The following MAP3K1 variants were observed in gnomAD, a reference collection of about 807,000 sequenced individuals.
MAP3K1 encodes the protein mitogen-activated protein kinase kinase kinase 1.
Under a neutral mutation model 144.2 loss-of-function variants are expected in MAP3K1, and 36 were observed. The observed-to-expected ratio is 0.25, with a 90% CI of 0.19 to 0.33. MAP3K1 has a LOEUF of 0.33. MAP3K1 is among the 10% of genes least tolerant of loss of function. The pLI is 1.00. For missense variants in MAP3K1, 1,650 were observed against 1,881.9 expected, an observed-to-expected ratio of 0.88 and a Z score of 2.28; for synonymous variants, 718 against 688.7, an observed-to-expected ratio of 1.04 and a Z score of -0.67.
At chr5:56,841,432 T>TA (rs1746812186) in intron 1 of MAP3K1, among the ~76,000 whole-genome samples, 1 of 152,192 alleles carries the variant, frequency 6.6e-6, no homozygotes, top group Non-Finnish European at 1.5e-5. Context: ...CCCATACTGA[T>TA]ATACTGCCTG....
At chr5:56,853,339 G>T (rs1275682344) in intron 1 of MAP3K1, among the ~76,000 whole-genome samples, 1 of 152,134 alleles carries the variant, frequency 6.6e-6, no homozygotes, top group East Asian at 1.9e-4. Flanking sequence ...AGTGAAAATT[G>T]TTCTGAACAA....
Position 56,872,842 on chromosome 5 carries a change from C to T in MAP3K1, c.1523C>T (p.Pro508Leu), listed in dbSNP as rs1747896764. The change falls in exon 9 of 20, where the codon CCT (proline) becomes CTT (leucine). Residue 508 changes from proline to leucine, a missense_variant. By Grantham distance (98) the Pro-to-Leu change is moderately conservative. Transcript: ENST00000399503. The stretch of plus-strand genomic sequence containing the variant: ...CATTTTAGCCACGAGTTGTCAAGTC[C>T]TGTGGATTCCCCTTCTTCCCTCAGA... The part of the protein sequence containing the change: ...HDFYSHELSS[P>L]VDSPSSLRAA... 2 of 1,614,132 alleles carry T rather than the reference C, an allele frequency of 1.2e-6. No individual in the cohort carries two copies. The highest frequency in any genetic ancestry group is 1.7e-6 in the Non-Finnish European group (2 of 1,180,022).
intron 17 of MAP3K1, 87 bp downstream of exon 17, chr5:56,886,150 T>G: frequency 1.8e-6 from 2 of 1,082,906 alleles, no homozygotes; most frequent in South Asian, 1.3e-5. Flanking sequence ...ACACCTGTAA[T>G]CCCAGTACTT....
chr5:56,823,213 G>A (rs1053562325), intron 1 of MAP3K1, among the ~76,000 whole-genome samples: 2 of 152,212 alleles, frequency 1.3e-5, no homozygotes, highest in South Asian at 2.1e-4. Context: ...GCCCCTGTCT[G>A]CTTCTCCAGG....
At chr5:56,843,355 C>G (rs58151318) in intron 1 of MAP3K1, among the ~76,000 whole-genome samples, 15,092 of 152,278 alleles carry the variant, frequency 0.099, 1,213 homozygotes, top group East Asian at 0.34. Flanking sequence ...CCCACCAGTC[C>G]TGCCAGTAAC....
intron 1 of MAP3K1, among the ~76,000 whole-genome samples, chr5:56,826,979 T>G (rs1422868654): frequency 6.6e-6 from 1 of 152,180 alleles, no homozygotes; most frequent in South Asian, 2.1e-4. Context: ...ATCAGGAGGC[T>G]TTTTTGGGAA....
rs1748694667 is a variant in MAP3K1, at chr5:56,896,085, C to T, written c.*2405C>T. 1.3e-5 allele frequency: 3 copies of T among 226,186 alleles called. No homozygotes were observed. The highest frequency in any genetic ancestry group is 1.1e-4 in the Admixed American group (2 of 17,518). The allele number at this position is 226,186 out of a possible 1,614,324, so 14.0% of individuals were successfully genotyped here. On this transcript the variant is annotated 3_prime_UTR_variant, in exon 20 of 20. Coordinates refer to ENST00000399503, the MANE Select transcript of MAP3K1 (RefSeq NM_005921.2). Reference sequence around the variant, plus strand: ...AATTAAAATTTTTACCCCATTGAACCGATTTTATAGTATTTGTACCTATTT... The same window carrying T: ...AATTAAAATTTTTACCCCATTGAACTGATTTTATAGTATTTGTACCTATTT...
Position 56,873,022 on chromosome 5 carries a change from T to G in MAP3K1, c.1686+17T>G, listed in dbSNP as rs756034979. The G allele has an allele frequency of 1.9e-6, 3 of 1,605,724 alleles. No homozygotes were observed. Among genetic ancestry groups the G allele is most frequent in the African/African-American group, 2.7e-5 (2 of 74,690 alleles). On this transcript the variant is annotated intron_variant, in intron 9 of 19. Coordinates refer to ENST00000399503, the MANE Select transcript of MAP3K1 (RefSeq NM_005921.2). ...TGGATTCAGGTAAGTAGTTCTTTGT[T>G]TTTCATTTCTCAAAGAAATATTTAT...
chr5:56,820,835 A>C (rs1746132762), intron 1 of MAP3K1: 2 of 977,458 alleles, frequency 2.0e-6, no homozygotes, highest in Non-Finnish European at 2.4e-6. Context: ...TAGTATGAAC[A>C]TGTTTCACAA....
intron 19 of MAP3K1, among the ~76,000 whole-genome samples, chr5:56,889,231 C>T (rs571065567): frequency 8.5e-5 from 13 of 152,136 alleles, no homozygotes; most frequent in Non-Finnish European, 1.6e-4. Flanking sequence ...TGCAGTGGCA[C>T]GATCTCAGCT....
At chr5:56,816,982 G>C (rs1238545646) in intron 1 of MAP3K1, 1 of 737,984 alleles carries the variant, frequency 1.4e-6, no homozygotes, top group Non-Finnish European at 1.7e-6. Context: ...GCTTGGCCCG[G>C]GGACTGCGGC....
chr5:56,833,602 G>T (rs1021807288), intron 1 of MAP3K1, among the ~76,000 whole-genome samples: 24 of 152,156 alleles, frequency 1.6e-4, no homozygotes, highest in African/African-American at 5.6e-4. Flanking sequence ...TGAAACGTGT[G>T]TCTTTACAAC....
chr5:56,823,674 A>G (rs1746222067), intron 1 of MAP3K1, among the ~76,000 whole-genome samples: 3 of 152,240 alleles, frequency 2.0e-5, no homozygotes, highest in Non-Finnish European at 4.4e-5. Flanking sequence ...TTAAATGGCA[A>G]AAGTCTAGAC....
chr5:56,871,779 CTT>C (rs1747860289), intron 6 of MAP3K1, 129 bp from the exon 7 acceptor site: 5 of 750,104 alleles, frequency 6.7e-6, no homozygotes, highest in Non-Finnish European at 9.1e-6. Context: ...ATATGTATCT[CTT>C]AGTTATATAA....
chr5:56,828,415 C>A (rs1482973883), intron 1 of MAP3K1, among the ~76,000 whole-genome samples: 1 of 152,168 alleles, frequency 6.6e-6, no homozygotes, highest in Non-Finnish European at 1.5e-5. Flanking sequence ...GAAATTACTT[C>A]TTGTGGCTAA....
At chr5:56,888,423 A>C in intron 19 of MAP3K1, 66 bp downstream of exon 19, 1 of 1,384,972 alleles carries the variant, frequency 7.2e-7, no homozygotes, top group Non-Finnish European at 1.0e-6. Flanking sequence ...GCAGGAGGCA[A>C]ATTTTGATGG....
chr5:56,824,577 C>A (rs78649797), intron 1 of MAP3K1, among the ~76,000 whole-genome samples: 3,584 of 152,256 alleles, frequency 0.024, 54 homozygotes, highest in Middle Eastern at 0.041. Context: ...CAATTAGTTC[C>A]ATCTAGGGCA....
At chr5:56,824,733 C>T (rs1746257660) in intron 1 of MAP3K1, among the ~76,000 whole-genome samples, 1 of 152,316 alleles carries the variant, frequency 6.6e-6, no homozygotes, top group Admixed American at 6.5e-5. Flanking sequence ...AGATGTATTT[C>T]TGTAGCCTTG....
chr5:56,832,492 C>G (rs922121704), intron 1 of MAP3K1, among the ~76,000 whole-genome samples: 1 of 152,182 alleles, frequency 6.6e-6, no homozygotes, highest in African/African-American at 2.4e-5. Flanking sequence ...TTACATCATC[C>G]TTGTGAATTT....
Sources: gnomAD v4.1 joint callset for allele counts (sites outside exome capture counted in the v4.1 genomes callset) on GRCh38, gnomAD v4.1.1 for gene constraint, MANE v1.5 for transcripts, NCBI Gene and HGNC (gene_info 2026-07-23, HGNC 2026-07-21) for gene names.